LRMDA: variants seen among roughly 807,000 people sequenced by gnomAD.
The protein encoded by LRMDA is leucine rich melanocyte differentiation associated.
LRMDA carries 18 observed loss-of-function variants against 29.8 expected under a neutral mutation model. The observed-to-expected ratio is 0.60, with a 90% confidence interval of 0.42 to 0.90. The LOEUF (loss-of-function observed/expected upper bound fraction) is 0.90. LRMDA is among the 40% of genes least tolerant of loss of function. The pLI is 0.00. For synonymous variants in LRMDA, 125 were observed against 109.4 expected (o/e 1.14, Z -0.89); for missense variants, 273 against 273.9 (o/e 1.00, Z 0.02).
intron 2 of LRMDA, among the ~76,000 whole-genome samples, chr10:76,012,211 C>G (rs1334735181): frequency 2.6e-5 from 4 of 152,302 alleles, no homozygotes; most frequent in African/African-American, 9.6e-5. Flanking sequence ...GCACTGGGTT[C>G]CTCTCCTCGA....
At chr10:75,462,187 A>G (rs1295097259) in intron 2 of LRMDA, among the ~76,000 whole-genome samples, 1 of 152,236 alleles carries the variant, frequency 6.6e-6, no homozygotes, top group East Asian at 1.9e-4. Context: ...GTCAGTTGAT[A>G]TTCATATCTA....
At chr10:76,256,453 C>T (rs903534286) in intron 5 of LRMDA, among the ~76,000 whole-genome samples, 4 of 152,106 alleles carry the variant, frequency 2.6e-5, no homozygotes, top group South Asian at 2.1e-4. Flanking sequence ...TTATTTCCAG[C>T]GTTATTCACA....
chr10:75,507,095 C>T (rs1356782001), intron 2 of LRMDA, among the ~76,000 whole-genome samples: 1 of 149,904 alleles, frequency 6.7e-6, no homozygotes, highest in Non-Finnish European at 1.5e-5. Flanking sequence ...GTGTACAAGC[C>T]TTGTGTTCTG....
intron 2 of LRMDA, among the ~76,000 whole-genome samples, chr10:75,540,005 T>C (rs1839997240): frequency 6.6e-6 from 1 of 152,202 alleles, no homozygotes; most frequent in Non-Finnish European, 1.5e-5. Context: ...CCTATTACTA[T>C]CTGTTCTAGG....
intron 2 of LRMDA, among the ~76,000 whole-genome samples, chr10:75,685,874 T>G (rs73280873): frequency 0.02 from 3,000 of 152,286 alleles, 97 homozygotes; most frequent in African/African-American, 0.068. Flanking sequence ...TAATAGTAGC[T>G]TGTATCTATC....
rs78412754 is a variant in LRMDA at position 75,611,556 on chromosome 10, C to T, written c.131+173062C>T. Among the ~76,000 whole-genome samples the T allele has an allele frequency of 1.9e-3, 285 of 152,314 alleles. 2 individuals carry two copies. Among genetic ancestry groups the T allele is most frequent in the African/African-American group, 6.6e-3 (275 of 41,546 alleles). On this transcript the variant is annotated intron_variant, in intron 2 of 6. Coordinates refer to ENST00000611255, the MANE Select transcript of LRMDA (RefSeq NM_001305581.2). ...TCCTCCCCTCAGCCCCAGGCAGCCT[C>T]CATTCCACTTCCTGTCTCTGTGAGT... is the stretch of plus-strand genomic sequence containing the variant.
At chr10:75,992,245 T>G (rs1030990413) in intron 2 of LRMDA, among the ~76,000 whole-genome samples, 24 of 152,290 alleles carry the variant, frequency 1.6e-4, no homozygotes, top group African/African-American at 5.8e-4. Flanking sequence ...ATCTCCTTTG[T>G]GCTTGTGAAT....
At chr10:76,158,934 A>T (rs1020303622) in intron 5 of LRMDA, among the ~76,000 whole-genome samples, 2 of 152,164 alleles carry the variant, frequency 1.3e-5, no homozygotes, top group Non-Finnish European at 2.9e-5. Flanking sequence ...AGGAAATTAG[A>T]TAGATAAAAT....
chr10:75,899,958 A>G (rs1359125284), intron 2 of LRMDA, among the ~76,000 whole-genome samples: 3 of 152,218 alleles, frequency 2.0e-5, no homozygotes, highest in Non-Finnish European at 4.4e-5. Context: ...TTTTATTTAC[A>G]TTGGTGAGGC....
chr10:75,607,255 T>G (rs1211594000), intron 2 of LRMDA, among the ~76,000 whole-genome samples: 1 of 152,248 alleles, frequency 6.6e-6, no homozygotes, highest in Non-Finnish European at 1.5e-5. Context: ...TCCTATCTTG[T>G]ATTTATGAAC....
chr10:76,537,018 T>G (rs1843298540), intron 6 of LRMDA, among the ~76,000 whole-genome samples: 1 of 152,234 alleles, frequency 6.6e-6, no homozygotes, highest in Admixed American at 6.5e-5. Context: ...GTATTTATAT[T>G]TGCTTAAATA....
chr10:76,135,855 C>T (rs1315170503), intron 5 of LRMDA, among the ~76,000 whole-genome samples: 1 of 151,994 alleles, frequency 6.6e-6, no homozygotes, highest in African/African-American at 2.4e-5. Flanking sequence ...TCTGCAAAGG[C>T]CCTATTTCCA....
intron 2 of LRMDA, among the ~76,000 whole-genome samples, chr10:75,500,554 T>C (rs1845100741): frequency 6.6e-6 from 1 of 152,170 alleles, no homozygotes; most frequent in Admixed American, 6.5e-5. Flanking sequence ...AATCTGAGTA[T>C]ATTAGTCCGT....
intron 2 of LRMDA, among the ~76,000 whole-genome samples, chr10:75,864,336 T>C (rs1182040294): frequency 6.6e-6 from 1 of 152,212 alleles, no homozygotes; most frequent in Non-Finnish European, 1.5e-5. Flanking sequence ...ATGTGCTCTA[T>C]GAACCTATGG....
chr10:76,047,731 G>T (rs948610607), intron 4 of LRMDA, among the ~76,000 whole-genome samples: 1 of 152,188 alleles, frequency 6.6e-6, no homozygotes, highest in Non-Finnish European at 1.5e-5. Flanking sequence ...CCCCTGCTCT[G>T]TGTTGTAAGA....
intron 2 of LRMDA, among the ~76,000 whole-genome samples, chr10:75,704,254 C>T (rs1302379154): frequency 6.6e-6 from 1 of 152,158 alleles, no homozygotes; most frequent in Non-Finnish European, 1.5e-5. Context: ...TCAACAATAA[C>T]CACCTTTCAG....
At chr10:76,426,385 C>T (rs1397052754) in intron 6 of LRMDA, among the ~76,000 whole-genome samples, 1 of 152,200 alleles carries the variant, frequency 6.6e-6, no homozygotes, top group Non-Finnish European at 1.5e-5. Context: ...TGTCTGTTGG[C>T]TGCATAAATG....
At chr10:75,622,223 T>G (rs1433866049) in intron 2 of LRMDA, among the ~76,000 whole-genome samples, 1 of 152,224 alleles carries the variant, frequency 6.6e-6, no homozygotes, top group Non-Finnish European at 1.5e-5. Flanking sequence ...TAAGGCATTT[T>G]CTGTGAAGTT....
chr10:75,773,436 G>A (rs1283781894), intron 2 of LRMDA, among the ~76,000 whole-genome samples: 1 of 152,184 alleles, frequency 6.6e-6, no homozygotes, highest in Non-Finnish European at 1.5e-5. Context: ...AATCTAGGGG[G>A]TTCCTGTGTG....
Sources: gnomAD v4.1 joint callset for allele counts (sites outside exome capture counted in the v4.1 genomes callset) on GRCh38, gnomAD v4.1.1 for gene constraint, MANE v1.5 for transcripts, NCBI Gene and HGNC (gene_info 2026-07-23, HGNC 2026-07-21) for gene names.